Variants in PLS1 observed in about 807,000 individuals in gnomAD.
PLS1 encodes the protein plastin-1.
In PLS1, 32 loss-of-function variants were observed where a neutral mutation model predicts 73.7. That is an observed-to-expected ratio of 0.43 (90% confidence interval 0.33 to 0.58). The LOEUF is 0.58. Ranked by LOEUF, PLS1 falls within the 20% of genes least tolerant of loss-of-function variation. PLS1 has a pLI of 0.04. For synonymous variants in PLS1, 217 were observed against 261.3 expected, an observed-to-expected ratio of 0.83 and a Z score of 1.63; for missense variants, 633 against 740.5, an observed-to-expected ratio of 0.85 and a Z score of 1.68.
intron 14 of PLS1, among the ~76,000 whole-genome samples, chr3:142,708,659 G>A (rs1306422343): frequency 2.0e-5 from 3 of 152,184 alleles, no homozygotes; most frequent in Non-Finnish European, 4.4e-5. Flanking sequence ...GGTAATTCTA[G>A]ATTAAGATAT....
chr3:142,677,179 A>G (rs779492174), intron 5 of PLS1, among the ~76,000 whole-genome samples: 4 of 152,202 alleles, frequency 2.6e-5, no homozygotes, highest in Non-Finnish European at 4.4e-5. Flanking sequence ...GAAAATGTCT[A>G]AATTATTGGT....
intron 14 of PLS1, among the ~76,000 whole-genome samples, chr3:142,705,181 A>C (rs965404105): frequency 3.9e-5 from 6 of 152,176 alleles, no homozygotes; most frequent in African/African-American, 1.4e-4. Context: ...AATAAACAGA[A>C]TAGAGCTAAA....
At chr3:142,605,078 T>C (rs1472200016) in intron 1 of PLS1, among the ~76,000 whole-genome samples, 3 of 152,158 alleles carry the variant, frequency 2.0e-5, no homozygotes, top group African/African-American at 7.2e-5. Context: ...ATCAGAACCA[T>C]GGATGAGAAG....
intron 1 of PLS1, among the ~76,000 whole-genome samples, chr3:142,621,285 T>A (rs2036310054): frequency 6.6e-6 from 1 of 152,164 alleles, no homozygotes; most frequent in Admixed American, 6.5e-5. Flanking sequence ...TGAAATTACT[T>A]GTAACAGAAT....
At chr3:142,695,040 G>A (rs1340462681) in intron 11 of PLS1, among the ~76,000 whole-genome samples, 2 of 151,982 alleles carry the variant, frequency 1.3e-5, no homozygotes, top group East Asian at 3.9e-4. Context: ...CATTAGTAGG[G>A]CTAAGAAAAT....
At chr3:142,663,846 T>G (rs974738985) in intron 1 of PLS1, among the ~76,000 whole-genome samples, 30 of 152,236 alleles carry the variant, frequency 2.0e-4, no homozygotes, top group Admixed American at 6.5e-4. Context: ...TCTGACCTTA[T>G]GCTGTACATT....
At position 142,600,895 on chromosome 3, in the gene PLS1, TATATATATATATA is replaced by T. The variant is rs1560024348; in HGVS notation, c.-37+4387_-37+4399del. Among the ~76,000 whole-genome samples, 18 of 29,462 alleles carry T rather than the reference TATATATATATATA, an allele frequency of 6.1e-4. 1 individual carries two copies. The highest frequency in any genetic ancestry group is 2.8e-3 in the African/African-American group (17 of 6,134). 19.3% of individuals were successfully genotyped at this position (29,462 alleles called of 152,430 possible). ...CTGGTTTCATATATATATATATATA[TATATATATATATA>T]TATATATATTTTTTTTTTTTTTTTT... On this transcript the variant is annotated intron_variant, in intron 1 of 15. Transcript: ENST00000457734.
chr3:142,693,422 A>G (rs889157529), intron 10 of PLS1, among the ~76,000 whole-genome samples: 3 of 152,200 alleles, frequency 2.0e-5, no homozygotes, highest in African/African-American at 7.2e-5. Flanking sequence ...TTATGTGCCA[A>G]ATTGTCCTGT....
intron 1 of PLS1, among the ~76,000 whole-genome samples, chr3:142,655,942 T>C (rs2037226215): frequency 6.6e-6 from 1 of 152,166 alleles, no homozygotes; most frequent in Non-Finnish European, 1.5e-5. Context: ...ATCCAGGCTG[T>C]TGGCAATCAA....
intron 1 of PLS1, among the ~76,000 whole-genome samples, chr3:142,628,560 C>T (rs372906945): frequency 6.6e-6 from 1 of 152,144 alleles, no homozygotes; most frequent in East Asian, 1.9e-4. Flanking sequence ...TGTGATAATA[C>T]ATCTGAAAGT....
intron 14 of PLS1, among the ~76,000 whole-genome samples, chr3:142,706,795 A>C (rs1035095397): frequency 6.6e-6 from 1 of 152,142 alleles, no homozygotes; most frequent in Non-Finnish European, 1.5e-5. Context: ...GGGAAGAAGA[A>C]GGGAGGGAGG....
At chr3:142,687,894 C>T (rs1307470942) in intron 9 of PLS1, among the ~76,000 whole-genome samples, 2 of 151,466 alleles carry the variant, frequency 1.3e-5, no homozygotes, top group Admixed American at 6.6e-5. Flanking sequence ...CCATTTTTTT[C>T]ATAGTTTATT....
chr3:142,647,964 A>G (rs924659450), intron 1 of PLS1, among the ~76,000 whole-genome samples: 3 of 152,154 alleles, frequency 2.0e-5, no homozygotes, highest in Non-Finnish European at 4.4e-5. Context: ...AAGAACTGCA[A>G]TTGGTGAGGG....
In PLS1 at chr3:142,651,198, G is replaced by A. The variant is rs149973322; in HGVS notation, c.-36-13004G>A. The stretch of plus-strand genomic sequence containing the variant: ...GACAGGGCCGGGCACAGTGGCTAAC[G>A]CATGTAATCCCAGCATTTTGGGAGC... On this transcript the variant is annotated intron_variant, in intron 1 of 15. Transcript: ENST00000457734. Among the ~76,000 whole-genome samples the A allele has an allele frequency of 4.6e-5, 7 of 151,680 alleles. No individual in the cohort carries two copies. In the East Asian group the frequency reaches 7.8e-4, roughly 17 times the overall value.
In PLS1 at chr3:142,679,223, T is replaced by C. The variant is rs972496160; in HGVS notation, c.579+1110T>C. Among the ~76,000 whole-genome samples the C allele has an allele frequency of 5.7e-4, 86 of 152,018 alleles. No individual in the cohort carries two copies. In the Middle Eastern group the frequency reaches 0.01, roughly 18 times the overall value. Reference sequence around the variant, plus strand: ...GAAAATTTTCTCCCATTTTGTAGGTTGCCTTTTCACTCTGATGGTAGTTTC... The same window carrying C: ...GAAAATTTTCTCCCATTTTGTAGGTCGCCTTTTCACTCTGATGGTAGTTTC... On this transcript the variant is annotated intron_variant, in intron 6 of 15. Coordinates refer to ENST00000457734, the MANE Select transcript of PLS1 (RefSeq NM_001145319.2).
At chr3:142,610,111 C>A (rs866430512) in intron 1 of PLS1, among the ~76,000 whole-genome samples, 8 of 152,194 alleles carry the variant, frequency 5.3e-5, no homozygotes, top group African/African-American at 1.9e-4. Flanking sequence ...TCAGTTGATC[C>A]ATCCGCCTCG....
chr3:142,642,071 C>G (rs1403726), intron 1 of PLS1, among the ~76,000 whole-genome samples: 17,077 of 151,978 alleles, frequency 0.11, 954 homozygotes, highest in Non-Finnish European at 0.12. Context: ...GATCATGTAT[C>G]TATTGAAAAT....
chr3:142,684,025 T>G lies in PLS1; in HGVS notation c.599T>G (p.Leu200Arg). 6.2e-7 allele frequency: 1 copy of G among 1,608,956 alleles called. No individual in the cohort carries two copies. The highest frequency in any genetic ancestry group is 8.5e-7 in the Non-Finnish European group (1 of 1,178,622). ...FTISENLNLALNSASAIGCTV... is the reference protein window; with the variant it reads ...FTISENLNLARNSASAIGCTV... Reference sequence around the variant, plus strand: ...ATTCAGGAAAATTTAAACCTAGCTCTGAATTCTGCCTCAGCCATTGGTTGT... The same window carrying G: ...ATTCAGGAAAATTTAAACCTAGCTCGGAATTCTGCCTCAGCCATTGGTTGT... Residue 200 changes from leucine (L) to arginine (R), a missense_variant, in exon 7 of 16, where the codon CTG becomes CGG. Coordinates refer to ENST00000457734, the MANE Select transcript of PLS1 (RefSeq NM_001145319.2).
At chr3:142,636,603 A>G (rs1386774741) in intron 1 of PLS1, among the ~76,000 whole-genome samples, 2 of 152,254 alleles carry the variant, frequency 1.3e-5, no homozygotes, top group Non-Finnish European at 2.9e-5. Flanking sequence ...TAAAAGTTCT[A>G]GCATTTCAAA....
Sources: gnomAD v4.1 joint callset for allele counts (sites outside exome capture counted in the v4.1 genomes callset) on GRCh38, gnomAD v4.1.1 for gene constraint, MANE v1.5 for transcripts, NCBI Gene and HGNC (gene_info 2026-07-23, HGNC 2026-07-21) for gene names.